Variants in ATPAF1 observed in about 807,000 individuals in gnomAD.
ATPAF1 encodes the protein ATP synthase mitochondrial F1 complex assembly factor 1.
In ATPAF1, 26 loss-of-function variants were observed where a neutral mutation model predicts 43.9. The observed-to-expected ratio is 0.59, with a 90% CI of 0.43 to 0.82. ATPAF1 has a LOEUF of 0.82. Among genes scored for constraint, ATPAF1 ranks in the 40% least tolerant of loss-of-function variants. The pLI is 0.00. For synonymous variants in ATPAF1, 157 were observed against 168.0 expected (o/e 0.93, Z 0.50); for missense variants, 366 against 435.0 (o/e 0.84, Z 1.41).
intron 4 of ATPAF1, among the ~76,000 whole-genome samples, chr1:46,654,531 A>T (rs529734878): frequency 2.6e-4 from 34 of 130,736 alleles, no homozygotes; most frequent in Admixed American, 7.5e-4. Context: ...TTATTTATTT[A>T]TTATTATTAT....
rs76760979 is a variant in ATPAF1, at chr1:46,636,965, G to A, written c.793-995C>T. On this transcript the variant is annotated intron_variant, in intron 8 of 8. Coordinates refer to ENST00000574428, the Ensembl canonical transcript of ATPAF1. ...AGACGCTCAAGCCCAATCAACCTTC[G>A]GATGACTATACCCCTAGATAACATC... Among the ~76,000 whole-genome samples the A allele has an allele frequency of 5.3e-5, 8 of 152,218 alleles. No homozygotes were observed. The East Asian group carries it at 7.7e-4, about 15-fold the overall frequency.
intron 6 of ATPAF1, 67 bp downstream of exon 6, chr1:46,652,514 G>T: frequency 6.7e-7 from 1 of 1,495,024 alleles, no homozygotes; most frequent in Non-Finnish European, 9.3e-7. Context: ...AATATGACGT[G>T]ATGGGCTGGA....
At chr1:46,637,176 G>A (rs1313292771) in intron 8 of ATPAF1, among the ~76,000 whole-genome samples, 1 of 152,224 alleles carries the variant, frequency 6.6e-6, no homozygotes, top group East Asian at 1.9e-4. Context: ...GAGAAATGGT[G>A]AGCAATAGCA....
At chr1:46,644,067 C>G (rs772149446) in intron 7 of ATPAF1, among the ~76,000 whole-genome samples, 1 of 152,200 alleles carries the variant, frequency 6.6e-6, no homozygotes, top group Non-Finnish European at 1.5e-5. Flanking sequence ...CTTGAACATA[C>G]TTCTAATGTT....
Position 46,653,779 on chromosome 1 carries a change from T to C in ATPAF1, c.540+38A>G, listed in dbSNP as rs1247438286. On this transcript the variant is annotated intron_variant, in intron 5 of 8. Coordinates refer to ENST00000574428, the Ensembl canonical transcript of ATPAF1. This position sits in a 1 kb window ranked among gnomAD's most constrained non-coding sequence, Gnocchi z 4.8. ...GCTAAGGTTAGAGAACTGACTTTCA[T>C]GTTGTAACACTTTCACTTTGCCCTC... 4 of 1,593,904 alleles carry C rather than the reference T, an allele frequency of 2.5e-6. No homozygotes were observed. The Admixed American group carries it at 5.2e-5, about 21-fold the overall frequency.
At chr1:46,656,530 T>G (rs1295721425) in intron 4 of ATPAF1, among the ~76,000 whole-genome samples, 1 of 152,260 alleles carries the variant, frequency 6.6e-6, no homozygotes. Flanking sequence ...CTTCTCATTT[T>G]AAGGACAGCA....
chr1:46,636,750 T>C lies in ATPAF1; in HGVS notation c.793-780A>G, dbSNP rs981349346. ...GCCCCTTAAAAAAAAAAAAAGACTA[T>C]GAAAAAATGAAAAATGATGGAGAAT... On this transcript the variant is annotated intron_variant, in intron 8 of 8. Coordinates refer to ENST00000574428, the Ensembl canonical transcript of ATPAF1. 1.7e-4 allele frequency among the ~76,000 whole-genome samples: 25 copies of C among 151,348 alleles called. 1 individual carries two copies. Among genetic ancestry groups the C allele is most frequent in the Non-Finnish European group, 3.0e-4 (20 of 67,790 alleles).
exon 7 of ATPAF1, chr1:46,645,214 C>T (rs1209870319): frequency 1.2e-5 from 19 of 1,613,778 alleles, no homozygotes; most frequent in Non-Finnish European, 1.4e-5. Flanking sequence ...CATTGTCCTA[C>T]AAAAAACTCA....
chr1:46,635,921 G>A (rs762668430), exon 9 of ATPAF1: 1 of 1,614,248 alleles, frequency 6.2e-7, no homozygotes. Context: ...CCGATCAGTA[G>A]CGTAGAAGAG....
exon 2 of ATPAF1, chr1:46,665,364 C>T (rs139074120): frequency 9.9e-6 from 16 of 1,614,006 alleles, no homozygotes; most frequent in Middle Eastern, 1.6e-4. Flanking sequence ...CTGGGTCTGA[C>T]CTGATCAGAG....
At chr1:46,633,018 T>A (rs1414564532), downstream of ATPAF1, 1 of 152,688 alleles carries the variant, frequency 6.5e-6, no homozygotes, top group Non-Finnish European at 1.5e-5. Flanking sequence ...AAAGAATAGA[T>A]AAGGCAGTGG....
At chr1:46,667,987 C>T (rs1381985581) in intron 1 of ATPAF1, 70 bp downstream of exon 1, 1 of 1,265,632 alleles carries the variant, frequency 7.9e-7, no homozygotes, top group Non-Finnish European at 1.0e-6. Flanking sequence ...CAGGGCTGTC[C>T]TAAGGCCCAG....
Position 46,668,237 on chromosome 1 carries a change from A to C in ATPAF1, c.86T>G (p.Val29Gly). ...CCCCAGGCCCAGGGCGCGGCTGCGC[A>C]CCGCGCACAGGCCCCGGTAGAGACC... The change falls in exon 1 of 9, where the codon GTG becomes GGG. Residue 29 changes from valine to glycine, a missense_variant. By Grantham distance (109) the Val-to-Gly change is moderately radical. This residue lies in a region of ATPAF1 where 186 missense variants were observed against 168.5 expected (regional missense o/e 1.10). Transcript: ENST00000574428. The surrounding 1 kb of genome is among the most constrained non-coding windows in gnomAD (Gnocchi z 4.4). 7.3e-7 allele frequency: 1 copy of C among 1,369,008 alleles called. No homozygotes were observed. The highest frequency in any genetic ancestry group is 9.4e-7 in the Non-Finnish European group (1 of 1,059,888). The allele number at this position is 1,369,008 out of a possible 1,614,324, so 84.8% of individuals were successfully genotyped here. A position where few individuals can be genotyped will look rare whatever the true frequency, so the allele number is the denominator to read the frequency against.
Position 46,666,265 on chromosome 1 carries a change from G to A in ATPAF1, c.267-901C>T, listed in dbSNP as rs1246005507. 3.6e-5 allele frequency: 6 copies of A among 167,080 alleles called. No homozygotes were observed. The East Asian group carries it at 6.2e-4, about 17-fold the overall frequency. The allele number at this position is 167,080 out of a possible 1,614,324, so 10.3% of individuals were successfully genotyped here. A position where few individuals can be genotyped will look rare whatever the true frequency, so the allele number is the denominator to read the frequency against. ...GTTTTTCTTCTCTCTGTAGTGGGCCGGCTCCTCCTCAATAAAGAGCCTCAC... is the reference window on the plus strand; with the variant it reads ...GTTTTTCTTCTCTCTGTAGTGGGCCAGCTCCTCCTCAATAAAGAGCCTCAC... On this transcript the variant is annotated intron_variant, in intron 1 of 8. Coordinates refer to ENST00000574428, the Ensembl canonical transcript of ATPAF1.
At chr1:46,665,967 G>A in intron 1 of ATPAF1, 1 of 789,192 alleles carries the variant, frequency 1.3e-6, no homozygotes, top group East Asian at 4.9e-5. Flanking sequence ...CCAGGCTGGG[G>A]TGCTGTCCCT....
chr1:46,639,497 C>A (rs1420095270), intron 8 of ATPAF1, among the ~76,000 whole-genome samples: 2 of 152,204 alleles, frequency 1.3e-5, no homozygotes. Flanking sequence ...TCAATGAAAT[C>A]ATCTATTGAC....
chr1:46,658,112 A>G lies in ATPAF1; in HGVS notation c.489+15T>C, dbSNP rs772868319. 1.9e-6 allele frequency: 3 copies of G among 1,607,404 alleles called. No homozygotes were observed. The highest frequency in any genetic ancestry group is 1.1e-5 in the South Asian group (1 of 89,694). ...ACATTTTCATAGAGTAGGCCAGCCC[A>G]TTTCCATTCATTACCTGTTTTATTT... On this transcript the variant is annotated intron_variant, in intron 4 of 8. Transcript: ENST00000574428.
chr1:46,668,079 C>T lies in ATPAF1; in HGVS notation c.244G>A (p.Asp82Asn), dbSNP rs2148829589. 2.1e-6 allele frequency: 3 copies of T among 1,446,656 alleles called. No individual in the cohort carries two copies. Among genetic ancestry groups the T allele is most frequent in the Non-Finnish European group, 2.7e-6 (3 of 1,097,152 alleles). 89.6% of individuals were successfully genotyped at this position (1,446,656 alleles called of 1,614,324 possible). A position where few individuals can be genotyped will look rare whatever the true frequency, so the allele number is the denominator to read the frequency against. The change falls in exon 1 of 9, where the codon GAC (aspartate) becomes AAC (asparagine). Residue 82 changes from aspartate to asparagine, a missense_variant. This residue lies in a region of ATPAF1 where 186 missense variants were observed against 168.5 expected (regional missense o/e 1.10). Coordinates refer to ENST00000574428, the Ensembl canonical transcript of ATPAF1. The surrounding 1 kb of genome is among the most constrained non-coding windows in gnomAD (Gnocchi z 4.4). ...CACCTGCGCAGCAGCTGGATCTTGTCGCGGTAGCGGTCGTAGAAAGGGTTG... is the reference window on the plus strand; with the variant it reads ...CACCTGCGCAGCAGCTGGATCTTGTTGCGGTAGCGGTCGTAGAAAGGGTTG...
chr1:46,660,685 A>T (rs1676370698), intron 2 of ATPAF1, among the ~76,000 whole-genome samples: 1 of 152,174 alleles, frequency 6.6e-6, no homozygotes, highest in Non-Finnish European at 1.5e-5. Flanking sequence ...ACATGTCAAA[A>T]ATCAGAAGCA....
Sources: allele counts gnomAD v4.1 joint callset (sites outside exome capture counted in the v4.1 genomes callset), GRCh38; gene constraint gnomAD v4.1.1; regional missense constraint gnomAD v4.1.1; non-coding constraint Gnocchi (gnomAD v3.1); transcripts MANE v1.5; gene names NCBI Gene and HGNC (gene_info 2026-07-23, HGNC 2026-07-21).